Variants in PRICKLE2 observed in about 807,000 individuals in gnomAD.
PRICKLE2 encodes the protein prickle planar cell polarity protein 2, also known as prickle-like protein 2.
A neutral mutation model predicts 81.4 loss-of-function variants in PRICKLE2; 21 were observed. That is an observed-to-expected ratio of 0.26 (90% confidence interval 0.18 to 0.37). The LOEUF (loss-of-function observed/expected upper bound fraction) is 0.37. PRICKLE2 is among the 10% of genes least tolerant of loss of function. The pLI, the probability that PRICKLE2 is intolerant of heterozygous loss-of-function variation, is 1.00. For missense variants in PRICKLE2, 940 were observed against 1,109.0 expected, an observed-to-expected ratio of 0.85 and a Z score of 2.16; for synonymous variants, 456 against 421.5, an observed-to-expected ratio of 1.08 and a Z score of -1.00.
chr3:64,240,311 T>C (rs1379669462), intron 2 of PRICKLE2, among the ~76,000 whole-genome samples: 3 of 152,156 alleles, frequency 2.0e-5, no homozygotes, highest in Admixed American at 6.5e-5. Context: ...ATCAAGTTTC[T>C]TGTGCTTGTC....
Position 64,099,589 on chromosome 3 carries a change from C to A in PRICKLE2, c.1997G>T (p.Ser666Ile). 1 of 1,613,868 alleles carries A rather than the reference C, an allele frequency of 6.2e-7. No individual in the cohort carries two copies. Among genetic ancestry groups the A allele is most frequent in the Middle Eastern group, 1.6e-4 (1 of 6,062 alleles). Residue 666 changes from serine to isoleucine, a missense_variant, in exon 8 of 8, where the codon AGT (serine) becomes ATT (isoleucine). Transcript: ENST00000638394. This position sits in a 1 kb window ranked among gnomAD's most constrained non-coding sequence, Gnocchi z 4.3. ...AGTAGCTCTTCTCCGGGTGCGTTCACTCATGGGCTGGATCCTCACGCCCTC... is the reference window on the plus strand; with the variant it reads ...AGTAGCTCTTCTCCGGGTGCGTTCAATCATGGGCTGGATCCTCACGCCCTC... Reference protein sequence around the residue: ...GQEGVRIQPMSERTRRRATSR... With the variant: ...GQEGVRIQPMIERTRRRATSR...
intron 2 of PRICKLE2, among the ~76,000 whole-genome samples, chr3:64,242,263 C>T (rs2079277658): frequency 6.6e-6 from 1 of 152,182 alleles, no homozygotes. Context: ...TTTAATGTCA[C>T]CTTCTTAGCA....
chr3:64,238,355 G>T (rs1216062573), intron 2 of PRICKLE2, among the ~76,000 whole-genome samples: 1 of 151,900 alleles, frequency 6.6e-6, no homozygotes, highest in East Asian at 1.9e-4. Flanking sequence ...GGGCATGATG[G>T]TGCCTGCCTG....
intron 7 of PRICKLE2, among the ~76,000 whole-genome samples, chr3:64,119,301 G>A (rs1339312329): frequency 6.6e-6 from 1 of 152,110 alleles, no homozygotes; most frequent in African/African-American, 2.4e-5. Flanking sequence ...GAAATAATCT[G>A]TACAACAAAC....
At chr3:64,104,201 A>G (rs1024548397) in intron 7 of PRICKLE2, among the ~76,000 whole-genome samples, 1 of 152,186 alleles carries the variant, frequency 6.6e-6, no homozygotes, top group Non-Finnish European at 1.5e-5. Flanking sequence ...ACAAATCATA[A>G]AAGCCGATTT....
upstream of PRICKLE2, among the ~76,000 whole-genome samples, chr3:64,225,885 CT>C (rs371318729): frequency 0.055 from 7,962 of 145,900 alleles, 352 homozygotes; most frequent in African/African-American, 0.13. Context: ...AATGCCTCTC[CT>C]TTTTTTTTTT....
chr3:64,233,539 T>C (rs1431565993), intron 2 of PRICKLE2, among the ~76,000 whole-genome samples: 3 of 152,224 alleles, frequency 2.0e-5, no homozygotes, highest in Non-Finnish European at 4.4e-5. Context: ...CAGAAAGTCA[T>C]GTGGCTTGCT....
intron 7 of PRICKLE2, among the ~76,000 whole-genome samples, chr3:64,115,998 C>G (rs533205714): frequency 2.0e-5 from 3 of 152,180 alleles, no homozygotes; most frequent in Non-Finnish European, 4.4e-5. Context: ...CAAACAATCT[C>G]TCAGACCACA....
chr3:64,208,387 C>G (rs1328687437), intron 1 of PRICKLE2, among the ~76,000 whole-genome samples: 1 of 152,216 alleles, frequency 6.6e-6, no homozygotes, highest in African/African-American at 2.4e-5. Flanking sequence ...CACAGGGCTT[C>G]AGCTCCTACC....
chr3:64,119,334 C>T (rs943862961), intron 7 of PRICKLE2, among the ~76,000 whole-genome samples: 2 of 152,104 alleles, frequency 1.3e-5, no homozygotes, highest in African/African-American at 2.4e-5. Flanking sequence ...AGTTTACCTA[C>T]ATAACAAATG....
At chr3:64,179,007 C>CTTTCTT (rs2078076515) in intron 2 of PRICKLE2, among the ~76,000 whole-genome samples, 1 of 146,154 alleles carries the variant, frequency 6.8e-6, no homozygotes, top group Non-Finnish European at 1.5e-5. Context: ...TTCTTTCTTT[C>CTTTCTT]TTTCTTTCTT....
chr3:64,259,042 C>G (rs1327354915), intron 2 of PRICKLE2, among the ~76,000 whole-genome samples: 1 of 152,018 alleles, frequency 6.6e-6, no homozygotes, highest in Non-Finnish European at 1.5e-5. Context: ...GATAAGTTCA[C>G]TCTCCTATAT....
At chr3:64,213,374 C>T (rs1221772423) in intron 1 of PRICKLE2, among the ~76,000 whole-genome samples, 2 of 152,122 alleles carry the variant, frequency 1.3e-5, no homozygotes. Context: ...CCACCGTGCC[C>T]GGCCATGACT....
intron 7 of PRICKLE2, among the ~76,000 whole-genome samples, chr3:64,107,697 A>G (rs1393115271): frequency 6.6e-6 from 1 of 152,176 alleles, no homozygotes; most frequent in Non-Finnish European, 1.5e-5. Context: ...AAAACAGAAA[A>G]TTAGCCAGGC....
intron 1 of PRICKLE2, among the ~76,000 whole-genome samples, chr3:64,210,347 T>C (rs1003900005): frequency 6.6e-6 from 1 of 152,162 alleles, no homozygotes; most frequent in Non-Finnish European, 1.5e-5. Context: ...GACCCAGGCA[T>C]GAACCTTGAC....
intron 7 of PRICKLE2, among the ~76,000 whole-genome samples, chr3:64,116,592 C>A (rs904123934): frequency 6.6e-6 from 1 of 152,058 alleles, no homozygotes; most frequent in African/African-American, 2.4e-5. Flanking sequence ...ACTAGAAAAT[C>A]TAGGAGAAAT....
At chr3:64,173,369 T>C (rs1352095673) in intron 2 of PRICKLE2, among the ~76,000 whole-genome samples, 1 of 152,122 alleles carries the variant, frequency 6.6e-6, no homozygotes, top group Non-Finnish European at 1.5e-5. Flanking sequence ...ACTATACAGA[T>C]ATAATAGGCA....
chr3:64,240,442 TG>T (rs2107170455), intron 2 of PRICKLE2, among the ~76,000 whole-genome samples: 1 of 152,316 alleles, frequency 6.6e-6, no homozygotes, highest in Admixed American at 6.5e-5. Flanking sequence ...TGGGCCTGAA[TG>T]GAGCCCAAGG....
chr3:64,170,538 A>G (rs566958241), intron 2 of PRICKLE2, among the ~76,000 whole-genome samples: 8 of 152,212 alleles, frequency 5.3e-5, no homozygotes, highest in Admixed American at 1.3e-4. Flanking sequence ...ATTGGAATAT[A>G]AACCAGGGTG....
Sources: allele counts gnomAD v4.1 joint callset (sites outside exome capture counted in the v4.1 genomes callset), GRCh38; gene constraint gnomAD v4.1.1; non-coding constraint Gnocchi (gnomAD v3.1); transcripts MANE v1.5; gene names NCBI Gene and HGNC (gene_info 2026-07-23, HGNC 2026-07-21).